The following COL19A1 variants were observed in gnomAD, a reference collection of about 807,000 sequenced individuals.
COL19A1 encodes the protein collagen type XIX alpha 1 chain.
COL19A1 carries 159 observed loss-of-function variants against 190.2 expected under a neutral mutation model. The observed-to-expected ratio is 0.84, with a 90% CI of 0.73 to 0.95. COL19A1 has a LOEUF of 0.95. Ranked by LOEUF, COL19A1 falls within the 40% of genes least tolerant of loss-of-function variation. The pLI, the probability that COL19A1 is intolerant of heterozygous loss-of-function variation, is 0.00. For synonymous variants in COL19A1, 509 were observed against 458.9 expected (o/e 1.11, Z -1.39); for missense variants, 1,418 against 1,431.9 (o/e 0.99, Z 0.16).
chr6:70,059,927 G>A, intron 14 of COL19A1: 5 of 325,788 alleles, frequency 1.5e-5, no homozygotes, highest in African/African-American at 2.2e-5. Context: ...AATTGAAGAA[G>A]AAAAAAAATC....
chr6:69,906,088 TA>T lies in COL19A1; in HGVS notation c.266+5755del, dbSNP rs1307475272. On this transcript the variant is annotated intron_variant, in intron 4 of 50. Transcript: ENST00000620364. ...TGGTAAAATACTGAGTAAAAACAGA[TA>T]AAAACACACACAAACACACATACTA... Among the ~76,000 whole-genome samples the T allele has an allele frequency of 2.6e-5, 4 of 152,342 alleles. No individual in the cohort carries two copies. In the East Asian group the frequency reaches 7.7e-4, roughly 29 times the overall value.
intron 4 of COL19A1, among the ~76,000 whole-genome samples, chr6:69,927,613 T>C (rs1324551450): frequency 6.6e-6 from 1 of 152,204 alleles, no homozygotes; most frequent in Non-Finnish European, 1.5e-5. Context: ...CCTTGATAAA[T>C]CTCTACTGTT....
chr6:69,880,559 G>A (rs1007663658), intron 2 of COL19A1, among the ~76,000 whole-genome samples: 1 of 152,162 alleles, frequency 6.6e-6, no homozygotes, highest in African/African-American at 2.4e-5. Flanking sequence ...AGACTTTTGA[G>A]TTTGAGGCAC....
intron 11 of COL19A1, among the ~76,000 whole-genome samples, chr6:69,965,525 C>G (rs1379664772): frequency 1.3e-5 from 2 of 152,182 alleles, no homozygotes; most frequent in Admixed American, 1.3e-4. Context: ...TGAGAAAAAC[C>G]TGTGGCACTA....
At chr6:70,083,126 A>T (rs1409256168) in intron 15 of COL19A1, among the ~76,000 whole-genome samples, 1 of 152,242 alleles carries the variant, frequency 6.6e-6, no homozygotes, top group African/African-American at 2.4e-5. Context: ...GTTAACAAGC[A>T]AAAAGCAGGA....
intron 4 of COL19A1, among the ~76,000 whole-genome samples, chr6:69,920,064 A>T (rs368581118): frequency 1.1e-3 from 173 of 152,324 alleles, no homozygotes; most frequent in African/African-American, 4.0e-3. Flanking sequence ...TGTAATTTTT[A>T]AAAACCTGAT....
intron 9 of COL19A1, among the ~76,000 whole-genome samples, chr6:69,944,088 T>G (rs184626545): frequency 1.3e-5 from 2 of 152,172 alleles, no homozygotes; most frequent in Non-Finnish European, 1.5e-5. Context: ...GTACCAGTTA[T>G]GTATGCCTGA....
At chr6:70,142,667 A>T in intron 22 of COL19A1, 100 bp from the exon 23 acceptor site, 1 of 1,007,146 alleles carries the variant, frequency 9.9e-7, no homozygotes, top group Non-Finnish European at 1.5e-6. Context: ...TGGTCTTCCT[A>T]TACATGAAGA....
intron 16 of COL19A1, among the ~76,000 whole-genome samples, chr6:70,116,911 C>G (rs1784612400): frequency 6.6e-6 from 1 of 152,110 alleles, no homozygotes; most frequent in South Asian, 2.1e-4. Flanking sequence ...CTGTGTGTAA[C>G]CTGAAAACAT....
intron 15 of COL19A1, among the ~76,000 whole-genome samples, chr6:70,082,880 C>T (rs1466525461): frequency 6.6e-6 from 1 of 152,122 alleles, no homozygotes; most frequent in African/African-American, 2.4e-5. Context: ...TCATAAGGAG[C>T]GTGTAGCCTA....
intron 16 of COL19A1, among the ~76,000 whole-genome samples, chr6:70,107,426 T>G (rs1463313087): frequency 2.0e-5 from 3 of 152,180 alleles, no homozygotes; most frequent in African/African-American, 4.8e-5. Flanking sequence ...AAATTTGAAA[T>G]AATAGCACCT....
chr6:69,896,044 A>T (rs1419135290), intron 2 of COL19A1, among the ~76,000 whole-genome samples: 5 of 152,206 alleles, frequency 3.3e-5, no homozygotes, highest in Non-Finnish European at 7.3e-5. Context: ...AAATACTGCC[A>T]AACAGTTTTC....
At chr6:69,929,376 T>G in intron 5 of COL19A1, 49 bp from the exon 6 acceptor site, 1 of 1,555,282 alleles carries the variant, frequency 6.4e-7, no homozygotes, top group Non-Finnish European at 8.7e-7. Flanking sequence ...CTTTAATAAT[T>G]TTGAACATTG....
At chr6:70,060,069 T>A (rs922866135) in intron 14 of COL19A1, among the ~76,000 whole-genome samples, 1 of 152,190 alleles carries the variant, frequency 6.6e-6, no homozygotes, top group African/African-American at 2.4e-5. Flanking sequence ...ACAGAGATGC[T>A]GTTACAATGG....
chr6:70,035,900 T>C lies in COL19A1; in HGVS notation c.1135-4T>C. 1 of 1,613,102 alleles carries C rather than the reference T, an allele frequency of 6.2e-7. No individual in the cohort carries two copies. Among genetic ancestry groups the C allele is most frequent in the Non-Finnish European group, 8.5e-7 (1 of 1,179,166 alleles). On this transcript the variant is annotated splice_region_variant and splice_polypyrimidine_tract_variant and intron_variant, in intron 13 of 50. Transcript: ENST00000620364. ...AATTGTAGCTTTTCTTTAATCTATT[T>C]TAGGGAGATACAGGACCCCCAGGAC...
chr6:70,133,365 C>T (rs1456880010), intron 18 of COL19A1, among the ~76,000 whole-genome samples: 2 of 152,188 alleles, frequency 1.3e-5, no homozygotes, highest in Non-Finnish European at 2.9e-5. Flanking sequence ...GGTTTAGCAG[C>T]CACATCCTGT....
intron 4 of COL19A1, among the ~76,000 whole-genome samples, chr6:69,900,686 G>A (rs1295820837): frequency 6.6e-6 from 1 of 152,062 alleles, no homozygotes; most frequent in East Asian, 1.9e-4. Context: ...TAGATTCAGA[G>A]CCAAAAGACT....
In COL19A1 at chr6:69,975,850, G is replaced by T. The variant is rs142139492; in HGVS notation, c.1026+12980G>T. On this transcript the variant is annotated intron_variant, in intron 11 of 50. Transcript: ENST00000620364. ...GGCCTAATAGAAATGAAGGTAGAAT[G>T]AGCGTATTTATTTAACTACCTATTA... 1.7e-3 allele frequency among the ~76,000 whole-genome samples: 257 copies of T among 152,220 alleles called. 1 individual carries two copies. Among genetic ancestry groups the T allele is most frequent in the South Asian group, 6.0e-3 (29 of 4,820 alleles).
intron 2 of COL19A1, among the ~76,000 whole-genome samples, chr6:69,888,777 C>CAAA (rs35211332): frequency 7.9e-6 from 1 of 126,190 alleles, no homozygotes; most frequent in East Asian, 2.6e-4. Flanking sequence ...GACTCTAGCT[C>CAAA]AAAAAAAAAA....
Sources: allele counts gnomAD v4.1 joint callset (sites outside exome capture counted in the v4.1 genomes callset), GRCh38; gene constraint gnomAD v4.1.1; transcripts MANE v1.5; gene names NCBI Gene and HGNC (gene_info 2026-07-23, HGNC 2026-07-21).